Variants in CFAP46 observed in about 807,000 individuals in gnomAD.
CFAP46 encodes the protein cilia and flagella associated protein 46, also known as cilia- and flagella-associated protein 46.
In CFAP46, 245 loss-of-function variants were observed where a neutral mutation model predicts 325.7. The ratio of observed to expected loss-of-function variants is 0.75; its 90% CI spans 0.68 to 0.84. The LOEUF (loss-of-function observed/expected upper bound fraction) is 0.84. Ranked by LOEUF, CFAP46 falls within the 40% of genes least tolerant of loss-of-function variation. CFAP46 has a pLI of 0.00. For missense variants in CFAP46, 3,346 were observed against 3,543.0 expected, an observed-to-expected ratio of 0.94 and a Z score of 1.41; for synonymous variants, 1,523 against 1,495.9, an observed-to-expected ratio of 1.02 and a Z score of -0.42.
At position 132,827,835 on chromosome 10, in the gene CFAP46, TG is replaced by T. The variant is rs1194577797; in HGVS notation, c.7117+5522del. 6.6e-6 allele frequency among the ~76,000 whole-genome samples: 1 copy of T among 152,066 alleles called. No homozygotes were observed. The highest frequency in any genetic ancestry group is 1.9e-4 in the East Asian group (1 of 5,186). On this transcript the variant is annotated intron_variant, in intron 50 of 57. Transcript: ENST00000368586. This position sits in a 1 kb window ranked among gnomAD's most constrained non-coding sequence, Gnocchi z 5.7. ...CTGCCTTCTGACTTGTACATTGGTT[TG>T]TATTTCCCAGGCTTTTGTAAAAATG...
chr10:132,849,342 A>G (rs933428611), intron 41 of CFAP46, among the ~76,000 whole-genome samples: 1 of 152,246 alleles, frequency 6.6e-6, no homozygotes. Flanking sequence ...CGCAGGACAG[A>G]CATTTCAGGG....
rs754936302 is a variant in CFAP46, at chr10:132,836,791, GCCT to G, written c.6536+23_6536+25del. On this transcript the variant is annotated intron_variant, in intron 45 of 57. Coordinates refer to ENST00000368586, the MANE Select transcript of CFAP46 (RefSeq NM_001200049.3). ...GAGGCCTCTCAGCGGGCTGGGGGCG[GCCT>G]CAACAAGAAGGAGCGGCTTTACCTG... is the stretch of plus-strand genomic sequence containing the variant. 1.9e-5 allele frequency: 30 copies of G among 1,592,668 alleles called. No homozygotes were observed. The Admixed American group carries it at 3.8e-4, about 20-fold the overall frequency.
Position 132,827,130 on chromosome 10 carries a change from C to T in CFAP46, c.7117+6228G>A, listed in dbSNP as rs1459788667. On this transcript the variant is annotated intron_variant, in intron 50 of 57. Coordinates refer to ENST00000368586, the MANE Select transcript of CFAP46 (RefSeq NM_001200049.3). This position sits in a 1 kb window ranked among gnomAD's most constrained non-coding sequence, Gnocchi z 5.7. ...CCCGGCACTCCCACCCTCTCCACAG[C>T]CTGAGCCCCACCCAGTCCTGGGCCA... Among the ~76,000 whole-genome samples the T allele has an allele frequency of 6.6e-6, 1 of 152,180 alleles. No individual in the cohort carries two copies. Among genetic ancestry groups the T allele is most frequent in the Admixed American group, 6.5e-5 (1 of 15,286 alleles).
chr10:132,899,736 T>C, intron 22 of CFAP46, 70 bp from the exon 23 acceptor site: 1 of 1,473,516 alleles, frequency 6.8e-7, no homozygotes, highest in Non-Finnish European at 9.1e-7. Flanking sequence ...CCTGGGTCAC[T>C]GTCTTGAACT....
intron 46 of CFAP46, among the ~76,000 whole-genome samples, chr10:132,835,938 G>C (rs1324159246): frequency 2.5e-5 from 2 of 79,420 alleles, no homozygotes; most frequent in South Asian, 1.3e-3. Context: ...TCCTGCCCCT[G>C]CTCCCCCCTC....
intron 50 of CFAP46, among the ~76,000 whole-genome samples, chr10:132,819,826 C>G (rs4880429): frequency 6.6e-6 from 1 of 152,046 alleles, no homozygotes; most frequent in Admixed American, 6.5e-5. Context: ...TTGACTGGGT[C>G]TTGGCAATGA....
Position 132,876,989 on chromosome 10 carries a change from C to A in CFAP46, c.4213-28G>T. 1 of 1,544,436 alleles carries A rather than the reference C, an allele frequency of 6.5e-7. No homozygotes were observed. Among genetic ancestry groups the A allele is most frequent in the Non-Finnish European group, 8.7e-7 (1 of 1,143,536 alleles). ...AGAAAGGCAAGAATACAGGATTTAC[C>A]TGAAACGGTGGAGGTGAAACAGCAG... On this transcript the variant is annotated intron_variant, in intron 30 of 57. Coordinates refer to ENST00000368586, the MANE Select transcript of CFAP46 (RefSeq NM_001200049.3). This position sits in a 1 kb window ranked among gnomAD's most constrained non-coding sequence, Gnocchi z 4.1.
At chr10:132,863,924 C>T (rs1848762604) in intron 35 of CFAP46, among the ~76,000 whole-genome samples, 2 of 147,392 alleles carry the variant, frequency 1.4e-5, no homozygotes, top group Admixed American at 1.3e-4. Flanking sequence ...GAGACATGCA[C>T]ACACCTCTCC....
intron 10 of CFAP46, among the ~76,000 whole-genome samples, chr10:132,926,235 C>A (rs116534054): frequency 1.3e-5 from 2 of 152,196 alleles, no homozygotes; most frequent in African/African-American, 4.8e-5. Context: ...GACGCGTGGC[C>A]GTCCCCCGTC....
intron 50 of CFAP46, among the ~76,000 whole-genome samples, chr10:132,816,059 A>G (rs993208400): frequency 6.6e-5 from 10 of 152,142 alleles, no homozygotes; most frequent in Non-Finnish European, 7.3e-5. Flanking sequence ...TGGTTATGAG[A>G]CTACTCAGGT....
chr10:132,858,278 G>T (rs1848672890), intron 38 of CFAP46, among the ~76,000 whole-genome samples: 1 of 150,192 alleles, frequency 6.7e-6, no homozygotes, highest in African/African-American at 2.4e-5. Context: ...GCTTTGCTGG[G>T]GGCGGCCCCA....
intron 50 of CFAP46, among the ~76,000 whole-genome samples, chr10:132,826,419 A>G (rs111670824): frequency 1.6e-3 from 155 of 96,996 alleles, no homozygotes; most frequent in African/African-American, 2.2e-3. Context: ...GGCAGGAGCC[A>G]GAGCCACAGA....
At chr10:132,929,305 G>A in intron 9 of CFAP46, 1 of 602,562 alleles carries the variant, frequency 1.7e-6, no homozygotes. Flanking sequence ...TTTTCATACT[G>A]TAGCTGTCTG....
chr10:132,841,358 G>A (rs1415220012), intron 44 of CFAP46, among the ~76,000 whole-genome samples: 1 of 152,264 alleles, frequency 6.6e-6, no homozygotes, highest in Non-Finnish European at 1.5e-5. Flanking sequence ...CTGAATTCAG[G>A]GAATGGTCTC....
At chr10:132,857,032 G>C (rs551612327) in intron 39 of CFAP46, among the ~76,000 whole-genome samples, 45 of 152,360 alleles carry the variant, frequency 3.0e-4, no homozygotes, top group South Asian at 8.3e-4. Context: ...AAGGCCCTGT[G>C]TCTGCTTTGC....
intron 1 of CFAP46, 40 bp from the exon 2 acceptor site, chr10:132,942,144 G>T (rs1413275882): frequency 6.5e-7 from 1 of 1,549,188 alleles, no homozygotes; most frequent in Non-Finnish European, 8.7e-7. Context: ...TGGTCACTGG[G>T]CTGGGAGAAG....
intron 44 of CFAP46, among the ~76,000 whole-genome samples, chr10:132,838,396 AG>A (rs2135042937): frequency 6.6e-6 from 1 of 152,400 alleles, no homozygotes; most frequent in Admixed American, 6.5e-5. Flanking sequence ...ATGCGTGAAA[AG>A]CTCGATGGAT....
intron 44 of CFAP46, 79 bp downstream of exon 44, chr10:132,845,978 G>A (rs189505525): frequency 8.7e-5 from 127 of 1,456,824 alleles, no homozygotes; most frequent in Non-Finnish European, 7.8e-5. Context: ...TCGCTCAGGC[G>A]TGGGACTGTG....
chr10:132,899,372 C>A (rs986177808), intron 23 of CFAP46, among the ~76,000 whole-genome samples, 163 bp downstream of exon 23: 1 of 152,216 alleles, frequency 6.6e-6, no homozygotes, highest in African/African-American at 2.4e-5. Context: ...GGCCGCTGCA[C>A]CTCCCTGAAG....
Sources: allele counts gnomAD v4.1 joint callset (sites outside exome capture counted in the v4.1 genomes callset), GRCh38; gene constraint gnomAD v4.1.1; non-coding constraint Gnocchi (gnomAD v3.1); transcripts MANE v1.5; gene names NCBI Gene and HGNC (gene_info 2026-07-23, HGNC 2026-07-21).